Variants in KAZN observed in about 807,000 individuals in gnomAD.
KAZN encodes the protein kazrin.
Under a neutral mutation model 87.4 loss-of-function variants are expected in KAZN, and 40 were observed. The observed-to-expected ratio is 0.46, with a 90% CI of 0.36 to 0.60. The LOEUF is 0.60. Among genes scored for constraint, KAZN ranks in the 20% least tolerant of loss-of-function variants. KAZN has a pLI of 0.00. For missense variants in KAZN, 898 were observed against 1,073.9 expected (o/e 0.84, Z 2.29); for synonymous variants, 466 against 458.3 (o/e 1.02, Z -0.22).
At chr1:14,343,984 C>T (rs1012058699) in intron 2 of KAZN, among the ~76,000 whole-genome samples, 1 of 152,144 alleles carries the variant, frequency 6.6e-6, no homozygotes, top group Non-Finnish European at 1.5e-5. Context: ...GTCAACTTGG[C>T]AGTTCTTTCT....
intron 4 of KAZN, among the ~76,000 whole-genome samples, chr1:15,048,438 G>C (rs1673829762): frequency 1.3e-5 from 2 of 152,074 alleles, no homozygotes. Context: ...GTGTGTGTGT[G>C]TATGTGTAAA....
intron 2 of KAZN, among the ~76,000 whole-genome samples, chr1:14,418,806 G>A (rs1276344128): frequency 6.6e-6 from 1 of 152,192 alleles, no homozygotes; most frequent in Non-Finnish European, 1.5e-5. Context: ...TTCGCCTACA[G>A]AGAATCCCTC....
intron 14 of KAZN, 196 bp downstream of exon 14, chr1:15,112,737 G>A: frequency 1.9e-6 from 1 of 533,234 alleles, no homozygotes; most frequent in Non-Finnish European, 3.4e-6. Context: ...AGTGCACAAA[G>A]CCCCCGCAGG....
intron 2 of KAZN, among the ~76,000 whole-genome samples, chr1:14,278,888 T>C (rs1233203692): frequency 2.0e-5 from 3 of 151,280 alleles, no homozygotes; most frequent in African/African-American, 7.3e-5. Flanking sequence ...TTTCTGTAAA[T>C]TGGTGATAGT....
chr1:15,046,812 C>A (rs1216342419), intron 4 of KAZN, among the ~76,000 whole-genome samples: 1 of 152,208 alleles, frequency 6.6e-6, no homozygotes, highest in African/African-American at 2.4e-5. Context: ...ACTGGAGGCC[C>A]TGCTGCTGCG....
Position 14,673,688 on chromosome 1 carries a change from CTT to C in KAZN, c.226+74467_226+74468del, listed in dbSNP as rs1194187009. ...CAGGGAGCTGCAGATGCCTGAGTGA[CTT>C]TGACAGAAACTTACCAGGAATTGAC... is the stretch of plus-strand genomic sequence containing the variant. On this transcript the variant is annotated intron_variant, in intron 1 of 14. Transcript: ENST00000376030. Among the ~76,000 whole-genome samples, 3 of 152,308 alleles carry C rather than the reference CTT, an allele frequency of 2.0e-5. No individual in the cohort carries two copies. In the East Asian group the frequency reaches 5.8e-4, roughly 29 times the overall value.
chr1:14,354,649 C>CACACACAT (rs763723503), intron 2 of KAZN, among the ~76,000 whole-genome samples: 7 of 98,630 alleles, frequency 7.1e-5, no homozygotes. Flanking sequence ...AAATTAGACA[C>CACACACAT]ACACACACAC....
At chr1:14,662,425 C>T (rs888352039) in intron 1 of KAZN, among the ~76,000 whole-genome samples, 1 of 152,074 alleles carries the variant, frequency 6.6e-6, no homozygotes. Context: ...ATGTTTGGGT[C>T]GGCTCCATCC....
chr1:14,282,044 A>C (rs190116252), intron 2 of KAZN, among the ~76,000 whole-genome samples: 4 of 152,208 alleles, frequency 2.6e-5, no homozygotes, highest in Non-Finnish European at 5.9e-5. Context: ...TCTTACATAT[A>C]GTATAGTGAA....
At chr1:14,248,869 C>T (rs1306301984) in intron 2 of KAZN, among the ~76,000 whole-genome samples, 1 of 152,172 alleles carries the variant, frequency 6.6e-6, no homozygotes, top group Non-Finnish European at 1.5e-5. Context: ...GGGACATTCA[C>T]ACTTAGAGGC....
At chr1:14,257,101 ATT>A (rs1232089283) in intron 2 of KAZN, among the ~76,000 whole-genome samples, 1 of 151,764 alleles carries the variant, frequency 6.6e-6, no homozygotes, top group Non-Finnish European at 1.5e-5. Context: ...ATTTATCCTT[ATT>A]TTTGCCTGTT....
intron 2 of KAZN, among the ~76,000 whole-genome samples, chr1:14,251,172 A>G (rs937632221): frequency 1.3e-5 from 2 of 152,212 alleles, no homozygotes; most frequent in African/African-American, 4.8e-5. Flanking sequence ...CCATCCACGG[A>G]ATGGGGAACA....
rs78414292 is a variant in KAZN, at chr1:14,251,343, G to A, written c.249+70751G>A. On this transcript the variant is annotated intron_variant, in intron 2 of 16. Coordinates refer to the KAZN transcript ENST00000636203. ...AAAGCTCTCAACCATTCCCCTCCCC[G>A]GCATAGCCTTGTCCTTGCACCATCT... is the stretch of plus-strand genomic sequence containing the variant. Among the ~76,000 whole-genome samples, 5 of 152,212 alleles carry A rather than the reference G, an allele frequency of 3.3e-5. No individual in the cohort carries two copies. In the East Asian group the frequency reaches 7.7e-4, roughly 24 times the overall value.
chr1:13,922,550 CTG>C, intron 1 of KAZN, among the ~76,000 whole-genome samples: 1 of 152,332 alleles, frequency 6.6e-6, no homozygotes, highest in Non-Finnish European at 1.5e-5. Flanking sequence ...CCTGGCAGAG[CTG>C]CTTGTGCTTG....
At chr1:14,181,514 A>G (rs1646197807) in intron 2 of KAZN, among the ~76,000 whole-genome samples, 1 of 152,188 alleles carries the variant, frequency 6.6e-6, no homozygotes, top group African/African-American at 2.4e-5. Flanking sequence ...CGGGTCTTGT[A>G]CCAATACGGC....
At position 14,167,242 on chromosome 1, in the gene KAZN, T is replaced by C. The variant is rs546281763; in HGVS notation, c.92-13193T>C. The stretch of plus-strand genomic sequence containing the variant: ...TTGTTTGAAAATGTGCATTTTATCC[T>C]AAAATTTGATGCCATTTTGCATTCC... On this transcript the variant is annotated intron_variant, in intron 1 of 16. Transcript: ENST00000636203. Among the ~76,000 whole-genome samples the C allele has an allele frequency of 3.9e-5, 6 of 152,356 alleles. No individual in the cohort carries two copies. The South Asian group carries it at 8.3e-4, about 21-fold the overall frequency.
intron 3 of KAZN, among the ~76,000 whole-genome samples, chr1:15,040,489 A>G (rs1296720302): frequency 1.3e-5 from 2 of 152,234 alleles, no homozygotes; most frequent in East Asian, 3.9e-4. Context: ...CCGATGACCC[A>G]GCATGGTGGC....
At chr1:14,172,416 ATTTG>A (rs550527716) in intron 1 of KAZN, among the ~76,000 whole-genome samples, 95 of 152,288 alleles carry the variant, frequency 6.2e-4, no homozygotes, top group South Asian at 2.3e-3. Context: ...TTGGGCAAAT[ATTTG>A]TTTGTTCGAG....
At chr1:14,626,073 C>T (rs1310716800) in intron 1 of KAZN, among the ~76,000 whole-genome samples, 1 of 152,212 alleles carries the variant, frequency 6.6e-6, no homozygotes, top group Non-Finnish European at 1.5e-5. Flanking sequence ...AGAATTCCTT[C>T]CTTCGTTCTC....
Sources: gnomAD v4.1 joint callset for allele counts (sites outside exome capture counted in the v4.1 genomes callset) on GRCh38, gnomAD v4.1.1 for gene constraint, MANE v1.5 for transcripts, NCBI Gene and HGNC (gene_info 2026-07-23, HGNC 2026-07-21) for gene names.